Variants in PIK3CA observed in about 807,000 individuals in gnomAD.
PIK3CA encodes phosphatidylinositol-4,5-bisphosphate 3-kinase catalytic subunit alpha.
PIK3CA carries 27 observed loss-of-function variants against 138.2 expected under a neutral mutation model. The ratio of observed to expected loss-of-function variants is 0.20; its 90% CI spans 0.14 to 0.27. The LOEUF (loss-of-function observed/expected upper bound fraction) is 0.27, where lower values mean the gene tolerates loss of function less well. Among genes scored for constraint, PIK3CA ranks in the 10% least tolerant of loss-of-function variants. The probability of loss-of-function intolerance (pLI) is 1.00; values close to 1 mark genes in which losing one functional copy is unlikely to be tolerated. For synonymous variants in PIK3CA, 358 were observed against 413.2 expected, an observed-to-expected ratio of 0.87 and a Z score of 1.62; for missense variants, 544 against 1,277.4, an observed-to-expected ratio of 0.43 and a Z score of 8.75.
intron 1 of PIK3CA, among the ~76,000 whole-genome samples, chr3:179,183,402 A>G (rs555928048): frequency 5.3e-5 from 8 of 152,308 alleles, no homozygotes; most frequent in South Asian, 2.1e-4. Flanking sequence ...AAAAAATACA[A>G]TATCTTACGT....
chr3:179,214,770 ATT>A (rs35636959), intron 9 of PIK3CA, among the ~76,000 whole-genome samples: 36,474 of 151,866 alleles, frequency 0.24, 5,108 homozygotes, highest in African/African-American at 0.39. Context: ...GCACAAATAT[ATT>A]GTTAGTTGAG....
chr3:179,188,060 G>C (rs1423815440), intron 1 of PIK3CA, among the ~76,000 whole-genome samples: 1 of 152,150 alleles, frequency 6.6e-6, no homozygotes, highest in Non-Finnish European at 1.5e-5. Flanking sequence ...TTCTCCCTAG[G>C]GTCAGTGGAA....
intron 1 of PIK3CA, among the ~76,000 whole-genome samples, chr3:179,196,227 G>A (rs1018537799): frequency 6.6e-5 from 10 of 152,146 alleles, no homozygotes; most frequent in Non-Finnish European, 1.0e-4. Flanking sequence ...CCATAATAGA[G>A]ACCTGTCAGT....
At chr3:179,185,183 A>G (rs1478273442) in intron 1 of PIK3CA, among the ~76,000 whole-genome samples, 1 of 152,238 alleles carries the variant, frequency 6.6e-6, no homozygotes, top group Non-Finnish European at 1.5e-5. Context: ...AGAAAGAAAC[A>G]TAAAAACAAA....
At chr3:179,162,101 A>G (rs1348367085) in intron 1 of PIK3CA, among the ~76,000 whole-genome samples, 1 of 152,176 alleles carries the variant, frequency 6.6e-6, no homozygotes, top group Non-Finnish European at 1.5e-5. Context: ...TTGTACAGAA[A>G]TATACATTTT....
intron 14 of PIK3CA, among the ~76,000 whole-genome samples, chr3:179,223,633 G>A (rs962809203): frequency 2.6e-5 from 4 of 152,156 alleles, no homozygotes; most frequent in African/African-American, 9.7e-5. Context: ...AGATCAGCAA[G>A]TTTTCTTAAA....
At chr3:179,211,728 A>G (rs1469449680) in intron 9 of PIK3CA, among the ~76,000 whole-genome samples, 1 of 152,174 alleles carries the variant, frequency 6.6e-6, no homozygotes, top group Non-Finnish European at 1.5e-5. Flanking sequence ...GTACTTCATC[A>G]CTTCAGTAAA....
chr3:179,224,627 A>G, intron 15 of PIK3CA, 73 bp from the exon 16 acceptor site: 1 of 999,820 alleles, frequency 1.0e-6, no homozygotes, highest in Non-Finnish European at 1.4e-6. Flanking sequence ...TTGTATTTAT[A>G]TTTTAAAATA....
intron 1 of PIK3CA, among the ~76,000 whole-genome samples, chr3:179,160,331 CACTT>C (rs932911670): frequency 7.2e-6 from 1 of 139,706 alleles, no homozygotes; most frequent in African/African-American, 3.0e-5. Context: ...TCAAAGTAGA[CACTT>C]AAAGATAAGA....
chr3:179,161,704 GATAATA>G (rs1433824133), intron 1 of PIK3CA, among the ~76,000 whole-genome samples: 2 of 152,042 alleles, frequency 1.3e-5, no homozygotes, highest in African/African-American at 4.8e-5. Flanking sequence ...CTCAAAAAGT[GATAATA>G]ATAAAGAGAT....
chr3:179,207,390 A>T (rs1033566600), intron 6 of PIK3CA, among the ~76,000 whole-genome samples: 2 of 152,190 alleles, frequency 1.3e-5, no homozygotes, highest in African/African-American at 4.8e-5. Flanking sequence ...AAAGAGAAAC[A>T]TGCTTTATTT....
At chr3:179,202,517 G>A (rs1420031049) in intron 4 of PIK3CA, among the ~76,000 whole-genome samples, 1 of 152,134 alleles carries the variant, frequency 6.6e-6, no homozygotes, top group East Asian at 1.9e-4. Flanking sequence ...CCTATAAGAA[G>A]CAACTACGTT....
At chr3:179,196,156 G>A (rs1414749363) in intron 1 of PIK3CA, among the ~76,000 whole-genome samples, 1 of 152,106 alleles carries the variant, frequency 6.6e-6, no homozygotes, top group Admixed American at 6.5e-5. Context: ...AATACTTAGG[G>A]AACATATGAG....
Position 179,239,246 on chromosome 3 carries a change from C to A in PIK3CA, c.*4882C>A, listed in dbSNP as rs1257755357. On this transcript the variant is annotated 3_prime_UTR_variant, in exon 21 of 21. Coordinates refer to ENST00000263967, the MANE Select transcript of PIK3CA (RefSeq NM_006218.4). ...TTAAAGTCTATGAATCTATCTGCAA[C>A]CTTATTTAATCTGTCACTATAATAA... is the stretch of plus-strand genomic sequence containing the variant. 4.9e-6 allele frequency: 1 copy of A among 204,468 alleles called. No individual in the cohort carries two copies. Among genetic ancestry groups the A allele is most frequent in the African/African-American group, 2.3e-5 (1 of 43,676 alleles). The allele number at this position is 204,468 out of a possible 1,614,324, so 12.7% of individuals were successfully genotyped here. A position where few individuals can be genotyped will look rare whatever the true frequency, so the allele number is the denominator to read the frequency against.
intron 4 of PIK3CA, among the ~76,000 whole-genome samples, chr3:179,201,854 C>T (rs952017241): frequency 1.4e-4 from 22 of 152,146 alleles, no homozygotes; most frequent in Non-Finnish European, 2.6e-4. Flanking sequence ...GATCCACTCT[C>T]CGTGGCTTCC....
At chr3:179,175,713 T>C (rs916370948) in intron 1 of PIK3CA, among the ~76,000 whole-genome samples, 8 of 149,158 alleles carry the variant, frequency 5.4e-5, no homozygotes, top group African/African-American at 1.7e-4. Context: ...TTTGTTGATT[T>C]TTTTTTTTTT....
intron 1 of PIK3CA, among the ~76,000 whole-genome samples, chr3:179,195,268 A>G (rs1177960939): frequency 6.6e-6 from 1 of 151,782 alleles, no homozygotes; most frequent in East Asian, 1.9e-4. Context: ...GTGAAAAAAA[A>G]AAACAACAAC....
intron 1 of PIK3CA, among the ~76,000 whole-genome samples, chr3:179,194,252 C>T (rs1724207696): frequency 6.6e-6 from 1 of 152,126 alleles, no homozygotes; most frequent in Non-Finnish European, 1.5e-5. Context: ...GAGACAGGGT[C>T]TTGCTCTGTT....
In PIK3CA at chr3:179,239,465, T is replaced by G. The variant is rs2108434268; in HGVS notation, c.*5101T>G. The G allele has an allele frequency of 5.0e-6, 1 of 201,822 alleles. No homozygotes were observed. Among genetic ancestry groups the G allele is most frequent in the African/African-American group, 2.3e-5 (1 of 43,764 alleles). 12.5% of individuals were successfully genotyped at this position (201,822 alleles called of 1,614,324 possible). On this transcript the variant is annotated 3_prime_UTR_variant, in exon 21 of 21. Coordinates refer to ENST00000263967, the MANE Select transcript of PIK3CA (RefSeq NM_006218.4). ...TTTATTTAATTTTGTTTTTATTTCATTTTTAAAAGTCCCTTGTTCAATTTA... is the reference window on the plus strand; with the variant it reads ...TTTATTTAATTTTGTTTTTATTTCAGTTTTAAAAGTCCCTTGTTCAATTTA...
Sources: gnomAD v4.1 joint callset for allele counts (sites outside exome capture counted in the v4.1 genomes callset) on GRCh38, gnomAD v4.1.1 for gene constraint, MANE v1.5 for transcripts, NCBI Gene and HGNC (gene_info 2026-07-23, HGNC 2026-07-21) for gene names.